Variants in UBAP2L observed in about 807,000 individuals in gnomAD.
UBAP2L encodes the protein ubiquitin associated protein 2 like.
A neutral mutation model predicts 130.6 loss-of-function variants in UBAP2L; 12 were observed. The observed-to-expected ratio is 0.09, with a 90% CI of 0.06 to 0.15. UBAP2L has a LOEUF of 0.15. Among genes scored for constraint, UBAP2L ranks in the 10% least tolerant of loss-of-function variants. The pLI is 1.00. For missense variants in UBAP2L, 965 were observed against 1,332.5 expected (o/e 0.72, Z 4.29); for synonymous variants, 503 against 524.7 (o/e 0.96, Z 0.57).
At position 154,257,366 on chromosome 1, in the gene UBAP2L, C is replaced by G. The variant is rs1468952737; in HGVS notation, c.2374C>G (p.Pro792Ala). The part of the protein sequence containing the change: ...TTSGKAPPNL[P>A]PGVPPLLPNP... ...TTTAGGAAAAGCTCCTCCCAACCTCCCTCCTGGGGTCCCGCCGTTGTTGCC... is the reference window on the plus strand; with the variant it reads ...TTTAGGAAAAGCTCCTCCCAACCTCGCTCCTGGGGTCCCGCCGTTGTTGCC... Residue 792 changes from proline to alanine, a missense_variant, in exon 20 of 27, where the codon CCT (proline) becomes GCT (alanine). Pro to Ala is a conservative substitution (Grantham distance 27). Transcript: ENST00000428931. 4 of 1,613,754 alleles carry G rather than the reference C, an allele frequency of 2.5e-6. No individual in the cohort carries two copies. The highest frequency in any genetic ancestry group is 8.5e-7 in the Non-Finnish European group (1 of 1,180,034).
chr1:154,270,999 C>A, downstream of UBAP2L: 1 of 1,499,338 alleles, frequency 6.7e-7, no homozygotes, highest in Non-Finnish European at 9.1e-7. Context: ...CCTTTAAGAA[C>A]TCCTGACCTT....
At chr1:154,228,805 C>A in intron 4 of UBAP2L, 80 bp downstream of exon 4, 1 of 1,080,348 alleles carries the variant, frequency 9.3e-7, no homozygotes, top group Non-Finnish European at 1.3e-6. Context: ...CAAATGGCAA[C>A]ATACCTTAAA....
chr1:154,256,019 G>C (rs191651064), intron 18 of UBAP2L, among the ~76,000 whole-genome samples: 52 of 152,286 alleles, frequency 3.4e-4, no homozygotes, highest in East Asian at 7.7e-4. Flanking sequence ...GTTGGGCTTT[G>C]TATGCTTTAA....
intron 11 of UBAP2L, among the ~76,000 whole-genome samples, chr1:154,246,985 T>G (rs1675742889): frequency 6.6e-6 from 1 of 152,218 alleles, no homozygotes; most frequent in Admixed American, 6.5e-5. Context: ...ACTCAGAGCA[T>G]TTAAAACATC....
chr1:154,221,254 C>A, intron 1 of UBAP2L: 1 of 152,792 alleles, frequency 6.5e-6, no homozygotes, highest in Non-Finnish European at 1.5e-5. Context: ...CCTAGTGGGC[C>A]GCGCCAGAGC....
At chr1:154,225,049 A>G (rs1667490879) in intron 1 of UBAP2L, 35 bp from the exon 2 acceptor site, 1 of 1,507,410 alleles carries the variant, frequency 6.6e-7, no homozygotes, top group Non-Finnish European at 9.1e-7. Context: ...TATTTTGCCC[A>G]CATTTAATAC....
rs1371944835 is a variant in UBAP2L, at chr1:154,251,657, G to C, written c.1664+4G>C. The C allele has an allele frequency of 3.1e-6, 5 of 1,613,638 alleles. No homozygotes were observed. The highest frequency in any genetic ancestry group is 4.2e-6 in the Non-Finnish European group (5 of 1,179,924). On this transcript the variant is annotated splice_donor_region_variant and intron_variant, in intron 14 of 26. Transcript: ENST00000428931. ...GCCTGTATACCAGCACGGCCAGGTA[G>C]AGGAAACATTAACCATAAGACCTCT...
At chr1:154,258,842 T>C in intron 20 of UBAP2L, 135 bp from the exon 21 acceptor site, 1 of 672,756 alleles carries the variant, frequency 1.5e-6, no homozygotes, top group Non-Finnish European at 2.6e-6. Context: ...TAAATAAAAT[T>C]GAAGGAAATA....
At chr1:154,240,684 G>T (rs1265800314) in intron 8 of UBAP2L, among the ~76,000 whole-genome samples, 1 of 152,018 alleles carries the variant, frequency 6.6e-6, no homozygotes, top group Non-Finnish European at 1.5e-5. Flanking sequence ...AATGCCCTCA[G>T]TTCGGGTTTC....
At chr1:154,265,863 A>G (rs1204390678) in intron 24 of UBAP2L, among the ~76,000 whole-genome samples, 1 of 152,192 alleles carries the variant, frequency 6.6e-6, no homozygotes, top group East Asian at 1.9e-4. Context: ...ACCCCGCTAC[A>G]CTTAGGCTTA....
At chr1:154,225,918 A>G (rs145714175) in intron 2 of UBAP2L, among the ~76,000 whole-genome samples, 12 of 152,326 alleles carry the variant, frequency 7.9e-5, no homozygotes, top group African/African-American at 2.9e-4. Flanking sequence ...GGTTCAAGCA[A>G]TTCTCCTGCC....
At chr1:154,270,138 A>C in intron 26 of UBAP2L, 62 bp from the exon 27 acceptor site, 25 of 1,482,840 alleles carry the variant, frequency 1.7e-5, no homozygotes, top group Non-Finnish European at 2.3e-5. Context: ...TGAAGATGTT[A>C]CAAATTTGTA....
rs946442667 is a variant in UBAP2L, at chr1:154,228,629, A to G, written c.183A>G (p.Thr61=). ...EEKVKQLIDI[T]GKNQDECVIA... is the part of the protein sequence containing the mutation. ...TTCTCTTTCAGTTGATTGATATTAC[A>G]GGCAAGAACCAGGATGAATGTGTGA... Residue 61 remains threonine (T), a synonymous_variant, in exon 4 of 27, where the codon ACA becomes ACG. Coordinates refer to ENST00000428931, the MANE Select transcript of UBAP2L (RefSeq NM_014847.4). 14 of 1,613,218 alleles carry G rather than the reference A, an allele frequency of 8.7e-6. No individual in the cohort carries two copies. The highest frequency in any genetic ancestry group is 1.6e-4 in the Middle Eastern group (1 of 6,076).
At chr1:154,237,515 G>GTTTA (rs1439857342) in intron 8 of UBAP2L, among the ~76,000 whole-genome samples, 1 of 152,166 alleles carries the variant, frequency 6.6e-6, no homozygotes, top group East Asian at 1.9e-4. Flanking sequence ...ATTTTCTAGT[G>GTTTA]TTTATGTTAG....
intron 12 of UBAP2L, 131 bp from the exon 13 acceptor site, chr1:154,250,910 C>T: frequency 1.1e-6 from 1 of 917,772 alleles, no homozygotes; most frequent in South Asian, 1.9e-5. Context: ...GAGATTAAGC[C>T]CCAAAAGAGG....
In UBAP2L at chr1:154,240,066, T is replaced by G. The variant is rs554024490; in HGVS notation, c.704-1447T>G. ...GTATTAGAATACTTCTAATGTGGTG[T>G]TAGAATACTTCTCTTCAGTGGCACA... is the stretch of plus-strand genomic sequence containing the variant. On this transcript the variant is annotated intron_variant, in intron 8 of 26. Coordinates refer to ENST00000428931, the MANE Select transcript of UBAP2L (RefSeq NM_014847.4). 3.9e-5 allele frequency among the ~76,000 whole-genome samples: 6 copies of G among 152,354 alleles called. No homozygotes were observed. The South Asian group carries it at 1.2e-3, about 32-fold the overall frequency.
At chr1:154,266,460 C>G in intron 24 of UBAP2L, 41 bp from the exon 25 acceptor site, 2 of 1,596,036 alleles carry the variant, frequency 1.3e-6, no homozygotes, top group East Asian at 2.2e-5. Flanking sequence ...GGCCAGGTAG[C>G]TAGCTGAGCT....
intron 4 of UBAP2L, among the ~76,000 whole-genome samples, chr1:154,230,254 G>T (rs192968325): frequency 6.6e-5 from 10 of 152,294 alleles, no homozygotes; most frequent in Admixed American, 6.5e-4. Flanking sequence ...CAATCCTCCT[G>T]CCTCGGCCTT....
At chr1:154,236,156 A>G (rs1671604159) in intron 6 of UBAP2L, among the ~76,000 whole-genome samples, 1 of 152,144 alleles carries the variant, frequency 6.6e-6, no homozygotes, top group African/African-American at 2.4e-5. Context: ...AGAACATCTG[A>G]TAGTATCAAC....
Sources: allele counts gnomAD v4.1 joint callset (sites outside exome capture counted in the v4.1 genomes callset), GRCh38; gene constraint gnomAD v4.1.1; transcripts MANE v1.5; gene names NCBI Gene and HGNC (gene_info 2026-07-23, HGNC 2026-07-21).